The following BACH2 variants were observed in gnomAD, a reference collection of about 807,000 sequenced individuals.
BACH2 encodes BACH transcriptional regulator 2.
BACH2 carries 5 observed loss-of-function variants against 61.8 expected under a neutral mutation model. The observed-to-expected ratio is 0.08, with a 90% confidence interval of 0.04 to 0.17. The LOEUF is 0.17. Ranked by LOEUF, BACH2 falls within the 10% of genes least tolerant of loss-of-function variation. The pLI is 1.00. For synonymous variants in BACH2, 446 were observed against 440.1 expected, an observed-to-expected ratio of 1.01 and a Z score of -0.17; for missense variants, 824 against 1,091.1, an observed-to-expected ratio of 0.76 and a Z score of 3.45.
intron 6 of BACH2, among the ~76,000 whole-genome samples, chr6:89,985,458 T>TG (rs765146961): frequency 3.9e-5 from 6 of 151,906 alleles, no homozygotes; most frequent in Non-Finnish European, 5.9e-5. Context: ...AGCAGTCCAG[T>TG]GGGGGCGGGA....
At chr6:90,122,442 C>A (rs187082698) in intron 4 of BACH2, among the ~76,000 whole-genome samples, 45 of 152,280 alleles carry the variant, frequency 3.0e-4, no homozygotes, top group Admixed American at 1.4e-3. Context: ...GAAAGGACTT[C>A]TTGAAGGCAG....
At chr6:89,976,378 G>T (rs1462681373) in intron 6 of BACH2, among the ~76,000 whole-genome samples, 1 of 152,248 alleles carries the variant, frequency 6.6e-6, no homozygotes, top group African/African-American at 2.4e-5. Flanking sequence ...GGGGGCATCT[G>T]TAAGGCAGGG....
At chr6:89,943,058 T>G (rs931506587) in intron 7 of BACH2, among the ~76,000 whole-genome samples, 1 of 152,166 alleles carries the variant, frequency 6.6e-6, no homozygotes, top group Non-Finnish European at 1.5e-5. Context: ...GCTATCTTCC[T>G]TCCTTGGCCT....
At chr6:90,275,476 T>G (rs2127883575) in intron 1 of BACH2, among the ~76,000 whole-genome samples, 1 of 152,356 alleles carries the variant, frequency 6.6e-6, no homozygotes, top group African/African-American at 2.4e-5. Context: ...TTTTAGAATT[T>G]TTAAATAAAT....
chr6:90,203,472 C>G (rs1798733674), intron 4 of BACH2, among the ~76,000 whole-genome samples: 1 of 148,984 alleles, frequency 6.7e-6, no homozygotes, highest in African/African-American at 2.5e-5. Context: ...AAAGTCAGCT[C>G]TTGCAAAAAG....
rs199789589 is a variant in BACH2 at position 89,975,196 on chromosome 6, A to AT, written c.244-23335dup. ...GAGCCAAGCAAAGCTTCAGATGCAG[A>AT]TTTTTTCTTTTATTTTCCAAGGAAT... On this transcript the variant is annotated intron_variant, in intron 6 of 8. Transcript: ENST00000257749. 8.9e-3 allele frequency among the ~76,000 whole-genome samples: 1,359 copies of AT among 152,274 alleles called. 9 individuals are homozygous for AT. The highest frequency in any genetic ancestry group is 0.014 in the Non-Finnish European group (924 of 68,022).
At chr6:90,261,610 G>A (rs1043058477) in intron 2 of BACH2, among the ~76,000 whole-genome samples, 6 of 152,120 alleles carry the variant, frequency 3.9e-5, no homozygotes, top group Admixed American at 2.6e-4. Flanking sequence ...CTTTGGGTTC[G>A]TGGAGCACCC....
At chr6:90,014,464 ATATATTTTTTTTTTT>A (rs1338974997) in intron 5 of BACH2, among the ~76,000 whole-genome samples, 81 of 56,400 alleles carry the variant, frequency 1.4e-3, no homozygotes, top group Middle Eastern at 0.01. Flanking sequence ...ATATATATAT[ATATATTTTTTTTTTT>A]TTTTTTTTTT....
chr6:90,171,515 T>C (rs1011663480), intron 4 of BACH2, among the ~76,000 whole-genome samples: 3 of 151,814 alleles, frequency 2.0e-5, no homozygotes, highest in Non-Finnish European at 4.4e-5. Context: ...TAAAAAGTCC[T>C]GAGTTGGAAA....
intron 7 of BACH2, among the ~76,000 whole-genome samples, chr6:89,946,508 T>C (rs2128355709): frequency 6.6e-6 from 1 of 152,356 alleles, no homozygotes; most frequent in Non-Finnish European, 1.5e-5. Context: ...TCACAAAATG[T>C]TTATTGCAGC....
At chr6:90,182,566 T>C (rs1326377978) in intron 4 of BACH2, among the ~76,000 whole-genome samples, 1 of 152,190 alleles carries the variant, frequency 6.6e-6, no homozygotes, top group Non-Finnish European at 1.5e-5. Flanking sequence ...ATGGTCTCAC[T>C]CTCACCTTGT....
chr6:90,216,819 G>A (rs1171066809), intron 3 of BACH2, among the ~76,000 whole-genome samples: 6 of 152,090 alleles, frequency 3.9e-5, no homozygotes, highest in Non-Finnish European at 5.9e-5. Context: ...GTCATGACCC[G>A]GGGGAGGGTG....
In BACH2 at chr6:90,044,219, T is replaced by C. The variant is rs540077224; in HGVS notation, c.-12-35363A>G. ...CAAGAGCAGTGAAGGATGTGGGCGG[T>C]GAGGTCCTGTTTTAAATACTGCAGT... On this transcript the variant is annotated intron_variant, in intron 5 of 8. Transcript: ENST00000257749. Among the ~76,000 whole-genome samples, 8 of 152,132 alleles carry C rather than the reference T, an allele frequency of 5.3e-5. No individual in the cohort carries two copies. In the East Asian group the frequency reaches 1.6e-3, roughly 29 times the overall value.
chr6:90,115,697 G>A (rs1386560186), intron 4 of BACH2, among the ~76,000 whole-genome samples: 1 of 152,030 alleles, frequency 6.6e-6, no homozygotes, highest in Non-Finnish European at 1.5e-5. Flanking sequence ...AAGAGCTTCT[G>A]CACAGCAAAA....
At chr6:89,962,133 C>A (rs1774779764) in intron 6 of BACH2, among the ~76,000 whole-genome samples, 1 of 152,174 alleles carries the variant, frequency 6.6e-6, no homozygotes, top group South Asian at 2.1e-4. Flanking sequence ...TTCCTTAGCT[C>A]CACAGTCCCT....
chr6:90,193,140 A>G, intron 4 of BACH2, among the ~76,000 whole-genome samples: 1 of 152,240 alleles, frequency 6.6e-6, no homozygotes, highest in South Asian at 2.1e-4. Context: ...GACTGTGATT[A>G]AGAAGTGAGG....
chr6:90,155,130 AC>A (rs1369995922), intron 4 of BACH2, among the ~76,000 whole-genome samples: 2 of 152,188 alleles, frequency 1.3e-5, no homozygotes, highest in African/African-American at 4.8e-5. Context: ...CCAAACAACC[AC>A]CACCAAAACA....
chr6:90,203,951 C>CAG, intron 4 of BACH2, among the ~76,000 whole-genome samples: 1 of 152,238 alleles, frequency 6.6e-6, no homozygotes, highest in South Asian at 2.1e-4. Context: ...CATGAGGTAT[C>CAG]AGGGTAGTCC....
intron 4 of BACH2, among the ~76,000 whole-genome samples, chr6:90,115,326 A>G (rs2127817652): frequency 6.6e-6 from 1 of 152,328 alleles, no homozygotes; most frequent in South Asian, 2.1e-4. Flanking sequence ...AAACAAACAC[A>G]TAAACCAATG....
Sources: allele counts gnomAD v4.1 joint callset (sites outside exome capture counted in the v4.1 genomes callset), GRCh38; gene constraint gnomAD v4.1.1; transcripts MANE v1.5; gene names NCBI Gene and HGNC (gene_info 2026-07-23, HGNC 2026-07-21).